TTC28: variants seen among roughly 807,000 people sequenced by gnomAD.
TTC28 encodes the protein tetratricopeptide repeat protein 28.
A neutral mutation model predicts 198.0 loss-of-function variants in TTC28; 61 were observed. That is an observed-to-expected ratio of 0.31 (90% confidence interval 0.25 to 0.38). The LOEUF (loss-of-function observed/expected upper bound fraction) is 0.38. TTC28 is among the 10% of genes least tolerant of loss of function. The pLI is 1.00. For missense variants in TTC28, 2,678 were observed against 3,164.0 expected, an observed-to-expected ratio of 0.85 and a Z score of 3.69; for synonymous variants, 1,171 against 1,297.8, an observed-to-expected ratio of 0.90 and a Z score of 2.10.
At chr22:28,334,876 A>G (rs9613592) in intron 2 of TTC28, among the ~76,000 whole-genome samples, 35,678 of 152,074 alleles carry the variant, frequency 0.23, 5,081 homozygotes, top group South Asian at 0.43. Context: ...CCATTTGTCA[A>G]TTTTGGCTTT....
At chr22:28,201,609 G>T (rs763220103) in intron 5 of TTC28, among the ~76,000 whole-genome samples, 1 of 152,068 alleles carries the variant, frequency 6.6e-6, no homozygotes, top group Non-Finnish European at 1.5e-5. Flanking sequence ...TTCAGTTGCA[G>T]TAACAGTGGT....
At position 27,989,979 on chromosome 22, in the gene TTC28, G is replaced by C; in HGVS notation, c.5606C>G (p.Ala1869Gly). The change falls in exon 21 of 23, where the codon GCT (alanine) becomes GGT (glycine). Residue 1869 changes from alanine to glycine, a missense_variant. Ala to Gly is a moderately conservative substitution (Grantham distance 60). Transcript: ENST00000397906. ...MLHQVLVQLQ[A>G]GEKEQDLASA... ...TGCCAAGTCCTGCTCCTTCTCGCCA[G>C]CCTGGAGCTGAACCAGCACCTGGTG... The C allele has an allele frequency of 6.4e-7, 1 of 1,551,144 alleles. No homozygotes were observed. Among genetic ancestry groups the C allele is most frequent in the Non-Finnish European group, 8.7e-7 (1 of 1,146,838 alleles).
chr22:28,442,868 C>T (rs551457780), intron 2 of TTC28: 1 of 152,534 alleles, frequency 6.6e-6, no homozygotes, highest in African/African-American at 2.4e-5. Flanking sequence ...GCCCCATTCC[C>T]CTCTCCAGGA....
At chr22:28,671,936 A>G (rs1480791787) in intron 1 of TTC28, among the ~76,000 whole-genome samples, 10 of 152,034 alleles carry the variant, frequency 6.6e-5, no homozygotes, top group Non-Finnish European at 1.5e-4. Flanking sequence ...TCGGCCTCCC[A>G]AAGTGCTGGG....
At chr22:28,425,737 C>A (rs1187370439) in intron 2 of TTC28, among the ~76,000 whole-genome samples, 1 of 152,056 alleles carries the variant, frequency 6.6e-6, no homozygotes, top group Non-Finnish European at 1.5e-5. Flanking sequence ...TTGGGCAAGG[C>A]CTTGAAGAAT....
intron 3 of TTC28, among the ~76,000 whole-genome samples, chr22:28,301,144 T>C (rs772540213): frequency 7.0e-4 from 107 of 152,334 alleles, no homozygotes; most frequent in Non-Finnish European, 1.0e-3. Context: ...GCTCTAGATA[T>C]ACAAGTGGTA....
At chr22:27,990,181 T>C (rs1216021646) in intron 20 of TTC28, 174 bp from the exon 21 acceptor site, 2 of 878,730 alleles carry the variant, frequency 2.3e-6, no homozygotes, top group Non-Finnish European at 3.2e-6. Context: ...CCTGCTGTCC[T>C]CTCTGTGGGA....
chr22:28,042,328 C>T (rs146860855), intron 12 of TTC28, among the ~76,000 whole-genome samples: 1 of 151,734 alleles, frequency 6.6e-6, no homozygotes, highest in African/African-American at 2.4e-5. Flanking sequence ...TTGGAACCAA[C>T]CCTAATGTCC....
chr22:28,530,632 G>A (rs1337754870), intron 2 of TTC28, among the ~76,000 whole-genome samples: 1 of 152,102 alleles, frequency 6.6e-6, no homozygotes, highest in Non-Finnish European at 1.5e-5. Context: ...TTGAAATGAA[G>A]GAAAAAATAT....
intron 6 of TTC28, among the ~76,000 whole-genome samples, chr22:28,139,188 A>G (rs370619894): frequency 8.5e-5 from 13 of 152,186 alleles, no homozygotes; most frequent in African/African-American, 3.1e-4. Flanking sequence ...CTGAGTCTCG[A>G]AAGGCCTAGT....
intron 2 of TTC28, among the ~76,000 whole-genome samples, chr22:28,345,438 T>C (rs1308849110): frequency 2.0e-5 from 3 of 152,182 alleles, no homozygotes; most frequent in Non-Finnish European, 2.9e-5. Context: ...GCCCTCCTTT[T>C]TTCCCATTCC....
chr22:28,190,691 G>A (rs1924649131), intron 5 of TTC28, among the ~76,000 whole-genome samples: 1 of 152,138 alleles, frequency 6.6e-6, no homozygotes, highest in Non-Finnish European at 1.5e-5. Flanking sequence ...CATAGGAAAA[G>A]CCACCTAACT....
At chr22:28,517,437 T>C (rs2146414502) in intron 2 of TTC28, among the ~76,000 whole-genome samples, 1 of 152,296 alleles carries the variant, frequency 6.6e-6, no homozygotes, top group Admixed American at 6.5e-5. Context: ...AGATTTGGCA[T>C]ACCCAGCATT....
chr22:28,131,230 A>AT (rs936082761), intron 6 of TTC28, among the ~76,000 whole-genome samples: 19 of 151,776 alleles, frequency 1.3e-4, no homozygotes, highest in Admixed American at 3.3e-4. Context: ...TTAAAAACAC[A>AT]TTTTTTTTTC....
At chr22:28,169,667 T>C (rs1343798492) in intron 5 of TTC28, among the ~76,000 whole-genome samples, 1 of 151,872 alleles carries the variant, frequency 6.6e-6, no homozygotes, top group African/African-American at 2.4e-5. Context: ...CCAGGGACTG[T>C]TGTGGGTTGT....
In TTC28 at chr22:28,633,081, A is replaced by T. The variant is rs1382138280; in HGVS notation, c.103-3251T>A. On this transcript the variant is annotated intron_variant, in intron 1 of 22. Transcript: ENST00000397906. ...GATCACCTGAGGTCAGGAATTTGAG[A>T]TCAGGCTGGCCAACATGATGAAACC... is the stretch of plus-strand genomic sequence containing the variant. 3.9e-5 allele frequency among the ~76,000 whole-genome samples: 6 copies of T among 152,062 alleles called. No homozygotes were observed. The East Asian group carries it at 1.2e-3, about 29-fold the overall frequency.
chr22:28,579,115 TATAC>T (rs1240811714), intron 2 of TTC28, among the ~76,000 whole-genome samples: 1 of 151,414 alleles, frequency 6.6e-6, no homozygotes, highest in African/African-American at 2.4e-5. Flanking sequence ...TGTATATAGC[TATAC>T]ATACATACAT....
intron 13 of TTC28, among the ~76,000 whole-genome samples, chr22:28,024,954 T>C (rs996917632): frequency 9.9e-5 from 15 of 152,132 alleles, no homozygotes; most frequent in South Asian, 2.1e-4. Flanking sequence ...CAGCTCCTTA[T>C]TGGGGCCAGA....
At chr22:28,211,157 G>A (rs1051646920) in intron 5 of TTC28, among the ~76,000 whole-genome samples, 17 of 152,130 alleles carry the variant, frequency 1.1e-4, no homozygotes, top group Non-Finnish European at 1.9e-4. Flanking sequence ...AGGAACAACC[G>A]GTACCAACCA....
Sources: gnomAD v4.1 joint callset for allele counts (sites outside exome capture counted in the v4.1 genomes callset) on GRCh38, gnomAD v4.1.1 for gene constraint, MANE v1.5 for transcripts, NCBI Gene and HGNC (gene_info 2026-07-23, HGNC 2026-07-21) for gene names.